LYST: variants seen among roughly 807,000 people sequenced by gnomAD.
The protein encoded by LYST is lysosomal trafficking regulator.
A neutral mutation model predicts 413.6 loss-of-function variants in LYST; 192 were observed. That is an observed-to-expected ratio of 0.46 (90% CI 0.41 to 0.52). LYST has a LOEUF of 0.52. Among genes scored for constraint, LYST ranks in the 20% least tolerant of loss-of-function variants. The probability of loss-of-function intolerance (pLI) is 0.00; values close to 1 mark genes in which losing one functional copy is unlikely to be tolerated. For synonymous variants in LYST, 1,525 were observed against 1,567.3 expected, an observed-to-expected ratio of 0.97 and a Z score of 0.64; for missense variants, 3,815 against 4,499.9, an observed-to-expected ratio of 0.85 and a Z score of 4.35.
At chr1:235,855,265 T>C (rs867266656) in intron 1 of LYST, among the ~76,000 whole-genome samples, 11 of 152,274 alleles carry the variant, frequency 7.2e-5, no homozygotes, top group Middle Eastern at 6.8e-3. Flanking sequence ...ATACAAGAGT[T>C]CAATAAATAA....
intron 21 of LYST, among the ~76,000 whole-genome samples, chr1:235,763,061 T>G (rs936452589): frequency 2.6e-5 from 4 of 152,214 alleles, no homozygotes; most frequent in Admixed American, 2.0e-4. Flanking sequence ...TTATTATTTC[T>G]GGCCACATTA....
At chr1:235,728,022 C>T in intron 38 of LYST, 54 bp downstream of exon 38, 5 of 1,244,794 alleles carry the variant, frequency 4.0e-6, no homozygotes, top group Admixed American at 1.7e-5. Flanking sequence ...TGAATTGATA[C>T]ATTTTTGGAA....
chr1:235,737,937 TG>T, intron 31 of LYST: 1 of 1,191,970 alleles, frequency 8.4e-7, no homozygotes, highest in Non-Finnish European at 1.0e-6. Flanking sequence ...CACTGCCGCG[TG>T]CCCCAACACC....
Position 235,733,550 on chromosome 1 carries a change from A to ATT in LYST, c.8753_8754insAA (p.Ser2918ArgfsTer14). The ATT allele has an allele frequency of 6.2e-7, 1 of 1,614,000 alleles. No individual in the cohort carries two copies. Among genetic ancestry groups the ATT allele is most frequent in the Non-Finnish European group, 8.5e-7 (1 of 1,179,950 alleles). ...TAAGTTCCTGCCAATGTCTGCTGGC[A>ATT]CTCAAATCTACTTTATACATTCCTC... On this transcript the variant is annotated frameshift_variant, in exon 34 of 53. Transcript: ENST00000389793. LOFTEE classifies it high-confidence loss of function.
rs754734457 is a variant in LYST at position 235,677,626 on chromosome 1, T to G, written c.10801-7A>C. The G allele has an allele frequency of 1.2e-6, 2 of 1,610,394 alleles. No individual in the cohort carries two copies. Among genetic ancestry groups the G allele is most frequent in the Non-Finnish European group, 1.7e-6 (2 of 1,176,938 alleles). ...CCATTTCTATTTCTGATGGCTGAAA[T>G]TTTAAAATTAAGTATGAGATAAAAA... On this transcript the variant is annotated splice_polypyrimidine_tract_variant and splice_region_variant and intron_variant, in intron 48 of 52. Coordinates refer to ENST00000389793, the MANE Select transcript of LYST (RefSeq NM_000081.4).
chr1:235,763,277 A>G (rs1277771665), intron 21 of LYST, among the ~76,000 whole-genome samples: 1 of 152,200 alleles, frequency 6.6e-6, no homozygotes, highest in African/African-American at 2.4e-5. Flanking sequence ...TATAAATTCA[A>G]CTGCTTGGTT....
chr1:235,852,227 T>C (rs571460292), intron 1 of LYST, among the ~76,000 whole-genome samples: 50 of 152,324 alleles, frequency 3.3e-4, no homozygotes, highest in African/African-American at 1.1e-3. Context: ...TACAGAATCT[T>C]AGTAACAACT....
intron 1 of LYST, among the ~76,000 whole-genome samples, chr1:235,859,904 T>A (rs1383818761): frequency 6.6e-6 from 1 of 152,228 alleles, no homozygotes; most frequent in Non-Finnish European, 1.5e-5. Context: ...AAGAGTATCA[T>A]ACAAATACTA....
chr1:235,673,158 A>G (rs1424790756), intron 50 of LYST, among the ~76,000 whole-genome samples: 1 of 152,132 alleles, frequency 6.6e-6, no homozygotes, highest in Admixed American at 6.5e-5. Context: ...GCCATGGACC[A>G]CTGTCCCAGG....
At chr1:235,711,163 T>C (rs1662377191) in intron 43 of LYST, among the ~76,000 whole-genome samples, 1 of 152,200 alleles carries the variant, frequency 6.6e-6, no homozygotes, top group Admixed American at 6.6e-5. Flanking sequence ...TTATTTGTTA[T>C]ACAGCCACAG....
In LYST at chr1:235,751,369, A is replaced by G; in HGVS notation, c.7628-7T>C. On this transcript the variant is annotated splice_region_variant and splice_polypyrimidine_tract_variant and intron_variant, in intron 27 of 52. Transcript: ENST00000389793. Reference sequence around the variant, plus strand: ...TGTAGTGCAACAGCCATATCTAAAAACAGAAGATACTAGAATGTTTTCAAG... The same window carrying G: ...TGTAGTGCAACAGCCATATCTAAAAGCAGAAGATACTAGAATGTTTTCAAG... The G allele has an allele frequency of 6.2e-7, 1 of 1,611,904 alleles. No homozygotes were observed. The highest frequency in any genetic ancestry group is 8.5e-7 in the Non-Finnish European group (1 of 1,178,428).
intron 19 of LYST, among the ~76,000 whole-genome samples, chr1:235,772,347 G>A (rs1235916198): frequency 6.6e-6 from 1 of 151,948 alleles, no homozygotes; most frequent in Non-Finnish European, 1.5e-5. Flanking sequence ...TATATATTCT[G>A]AATTGCTCTA....
intron 3 of LYST, 38 bp downstream of exon 3, chr1:235,830,188 A>G (rs770326654): frequency 7.0e-7 from 1 of 1,432,924 alleles, no homozygotes. Flanking sequence ...TAACTATCAT[A>G]TATTGATGAA....
At chr1:235,699,033 T>C (rs1230016584) in intron 45 of LYST, among the ~76,000 whole-genome samples, 1 of 152,216 alleles carries the variant, frequency 6.6e-6, no homozygotes, top group Admixed American at 6.5e-5. Context: ...TTCTAGTTTT[T>C]CAATGACACA....
At chr1:235,749,978 G>T (rs1342862202) in intron 28 of LYST, among the ~76,000 whole-genome samples, 1 of 152,122 alleles carries the variant, frequency 6.6e-6, no homozygotes, top group African/African-American at 2.4e-5. Flanking sequence ...AGCAGAGGAG[G>T]AACAGATGTG....
rs764938143 is a variant in LYST, at chr1:235,810,488, C to A, written c.330G>T (p.Lys110Asn). 1 of 1,611,238 alleles carries A rather than the reference C, an allele frequency of 6.2e-7. No individual in the cohort carries two copies. Among genetic ancestry groups the A allele is most frequent in the African/African-American group, 1.3e-5 (1 of 74,730 alleles). The change falls in exon 5 of 53, where the codon AAG becomes AAT. Residue 110 changes from lysine to asparagine, a missense_variant. Physicochemically the swap from Lys to Asn is moderately conservative, Grantham distance 94. This residue lies in a region of LYST where 1,648 missense variants were observed against 1,810.3 expected (regional missense o/e 0.91). Coordinates refer to ENST00000389793, the MANE Select transcript of LYST (RefSeq NM_000081.4). ...GAGTGGATCTTTGTGAACTTGAGTT[C>A]TTTTCTTTGGTCAGGATTATATCTG... ...LSADIILTKEKNSSSQRSTQE... is the reference protein window; with the variant it reads ...LSADIILTKENNSSSQRSTQE...
At chr1:235,670,874 G>A (rs918254401) in intron 50 of LYST, among the ~76,000 whole-genome samples, 1 of 152,090 alleles carries the variant, frequency 6.6e-6, no homozygotes, top group African/African-American at 2.4e-5. Flanking sequence ...GAAACTCAGG[G>A]ACACATCTAA....
chr1:235,688,217 A>G (rs1228983261), intron 47 of LYST, among the ~76,000 whole-genome samples: 4 of 152,254 alleles, frequency 2.6e-5, no homozygotes, highest in Non-Finnish European at 5.9e-5. Flanking sequence ...CCTAAGTTAC[A>G]TTACAAGATC....
chr1:235,849,921 G>C (rs374668321), intron 1 of LYST, among the ~76,000 whole-genome samples: 18 of 151,886 alleles, frequency 1.2e-4, no homozygotes, highest in African/African-American at 4.4e-4. Context: ...TGGATGGGTA[G>C]AATCAATATT....
Sources: allele counts gnomAD v4.1 joint callset (sites outside exome capture counted in the v4.1 genomes callset), GRCh38; gene constraint gnomAD v4.1.1; regional missense constraint gnomAD v4.1.1; transcripts MANE v1.5; gene names NCBI Gene and HGNC (gene_info 2026-07-23, HGNC 2026-07-21).